Variants in HSPA14 observed in about 807,000 individuals in gnomAD.
HSPA14 encodes heat shock 70 kDa protein 14.
HSPA14 carries 37 observed loss-of-function variants against 65.5 expected under a neutral mutation model. That is an observed-to-expected ratio of 0.56 (90% CI 0.43 to 0.74). The LOEUF is 0.74. Ranked by LOEUF, HSPA14 falls within the 30% of genes least tolerant of loss-of-function variation. HSPA14 has a pLI of 0.00. For missense variants in HSPA14, 564 were observed against 607.6 expected (o/e 0.93, Z 0.75); for synonymous variants, 203 against 214.2 (o/e 0.95, Z 0.46).
At chr10:14,869,047 C>A (rs546713507) in intron 12 of HSPA14, among the ~76,000 whole-genome samples, 1 of 151,822 alleles carries the variant, frequency 6.6e-6, no homozygotes, top group Non-Finnish European at 1.5e-5. Context: ...AGGGTTTCAC[C>A]GTGTTAGCCA....
intron 9 of HSPA14, among the ~76,000 whole-genome samples, chr10:14,854,615 G>A (rs1019605115): frequency 6.6e-5 from 10 of 152,214 alleles, no homozygotes; most frequent in South Asian, 2.1e-4. Flanking sequence ...ATAATGATAC[G>A]GCCTATTCAA....
rs1251459753 is a variant in HSPA14, at chr10:14,854,247, A to G, written c.857A>G (p.Tyr286Cys). 1.2e-6 allele frequency: 2 copies of G among 1,610,292 alleles called. No individual in the cohort carries two copies. Reference sequence around the variant, plus strand: ...GCCAACTGTTTTCTTGACTCATTATATGAAGGTCAAGATTTTGATTGCAAT... The same window carrying G: ...GCCAACTGTTTTCTTGACTCATTATGTGAAGGTCAAGATTTTGATTGCAAT... The part of the protein sequence containing the change: ...GSANCFLDSL[Y>C]EGQDFDCNVS... The change falls in exon 9 of 14, where the codon TAT (tyrosine) becomes TGT (cysteine). Residue 286 changes from tyrosine (Y) to cysteine (C), a missense_variant. Tyr to Cys is a radical substitution (Grantham distance 194). Transcript: ENST00000378372.
At chr10:14,846,249 T>G (rs968271732) in intron 3 of HSPA14, 20 of 985,274 alleles carry the variant, frequency 2.0e-5, no homozygotes, top group Non-Finnish European at 2.4e-5. Flanking sequence ...GTAGGTAGAT[T>G]TTCTGGAAAC....
At chr10:14,851,942 T>C (rs1199942374) in intron 7 of HSPA14, among the ~76,000 whole-genome samples, 1 of 152,244 alleles carries the variant, frequency 6.6e-6, no homozygotes, top group East Asian at 1.9e-4. Context: ...TATCAAATTA[T>C]GAGTTTTAAT....
chr10:14,846,223 A>ATAGGTAGG lies in HSPA14; in HGVS notation c.222-2370_222-2363dup, dbSNP rs144846967. On this transcript the variant is annotated intron_variant, in intron 3 of 13. Transcript: ENST00000378372. ...TTATATGGAAAGATATGTGTCAATT[A>ATAGGTAGG]TAGGTAGGTAGGTAGGTAGGTAGAT... The ATAGGTAGG allele has an allele frequency of 7.6e-5, 75 of 985,188 alleles. No homozygotes were observed. The Admixed American group carries it at 9.2e-4, about 12-fold the overall frequency. 61.0% of individuals were successfully genotyped at this position (985,188 alleles called of 1,614,324 possible). A position where few individuals can be genotyped will look rare whatever the true frequency, so the allele number is the denominator to read the frequency against.
At chr10:14,847,896 T>C (rs1834074260) in intron 3 of HSPA14, among the ~76,000 whole-genome samples, 1 of 152,186 alleles carries the variant, frequency 6.6e-6, no homozygotes, top group Non-Finnish European at 1.5e-5. Flanking sequence ...TGCTAAAGTA[T>C]GAATAATAGT....
chr10:14,851,482 G>C (rs1443396405), intron 7 of HSPA14, among the ~76,000 whole-genome samples, 159 bp downstream of exon 7: 2 of 152,210 alleles, frequency 1.3e-5, no homozygotes, highest in African/African-American at 4.8e-5. Context: ...AGTTGAGAAA[G>C]ATGTCCTAGG....
chr10:14,871,459 A>G (rs796326907), intron 13 of HSPA14, 69 bp from the exon 14 acceptor site: 1 of 891,878 alleles, frequency 1.1e-6, no homozygotes, highest in Non-Finnish European at 1.8e-6. Flanking sequence ...CCCTCAAGTA[A>G]CTTGTTACAG....
At chr10:14,861,939 G>C (rs1832753168) in intron 10 of HSPA14, among the ~76,000 whole-genome samples, 2 of 151,460 alleles carry the variant, frequency 1.3e-5, no homozygotes, top group Non-Finnish European at 2.9e-5. Flanking sequence ...TTGAACCCGG[G>C]AGGTGGAGGT....
intron 3 of HSPA14, among the ~76,000 whole-genome samples, chr10:14,847,837 C>G: frequency 6.6e-6 from 1 of 152,202 alleles, no homozygotes; most frequent in East Asian, 1.9e-4. Context: ...CTATCCCGCT[C>G]AAGGGACAGA....
rs916810213 is a variant in HSPA14 at position 14,846,503 on chromosome 10, T to A, written c.222-2106T>A. On this transcript the variant is annotated intron_variant, in intron 3 of 13. Coordinates refer to ENST00000378372, the MANE Select transcript of HSPA14 (RefSeq NM_016299.4). ...GCTAAAAATATTAAGGGGAGGGAAA[T>A]TGGAATACAGGGAGACAGTGTGCAA... is the stretch of plus-strand genomic sequence containing the variant. 6.2e-6 allele frequency: 6 copies of A among 971,000 alleles called. No homozygotes were observed. In the African/African-American group the frequency reaches 7.1e-5, roughly 11 times the overall value. 60.1% of individuals were successfully genotyped at this position (971,000 alleles called of 1,614,324 possible).
intron 2 of HSPA14, 28 bp downstream of exon 2, chr10:14,840,013 T>A (rs768656353): frequency 6.5e-7 from 1 of 1,543,758 alleles, no homozygotes; most frequent in Non-Finnish European, 8.9e-7. Flanking sequence ...TTTGTACTTC[T>A]GAAATAATTT....
chr10:14,854,127 C>A lies in HSPA14; in HGVS notation c.737C>A (p.Ser246Tyr), dbSNP rs1183660133. The A allele has an allele frequency of 6.9e-6, 11 of 1,589,316 alleles. No homozygotes were observed. Among genetic ancestry groups the A allele is most frequent in the South Asian group, 1.2e-5 (1 of 86,052 alleles). ...CAAAGGCTATGTTTTTAATTTAGAT[C>A]CTTCAAACATGATGTGAGAGGAAAT... ...AQYLASEFQR[S>Y]FKHDVRGNAR... Residue 246 changes from serine (S) to tyrosine (Y), a missense_variant and splice_region_variant, in exon 9 of 14, where the codon TCC becomes TAC. Transcript: ENST00000378372.
intron 3 of HSPA14, chr10:14,845,456 G>A (rs1395493899): frequency 8.1e-6 from 8 of 985,220 alleles, no homozygotes; most frequent in African/African-American, 3.5e-5. Context: ...GACGGCAAGC[G>A]AGCTGCTCTG....
intron 8 of HSPA14, 72 bp downstream of exon 8, chr10:14,852,603 A>G: frequency 1.6e-6 from 2 of 1,264,664 alleles, no homozygotes; most frequent in Non-Finnish European, 2.2e-6. Context: ...TTTTTTCCTA[A>G]TTTATTTTAA....
chr10:14,861,680 C>T (rs2131645345), intron 10 of HSPA14, among the ~76,000 whole-genome samples: 1 of 152,204 alleles, frequency 6.6e-6, no homozygotes, highest in Non-Finnish European at 1.5e-5. Flanking sequence ...TACTGTGAGA[C>T]TTTTACCAAC....
intron 3 of HSPA14, chr10:14,845,331 G>T (rs1834035559): frequency 2.0e-6 from 2 of 985,258 alleles, no homozygotes; most frequent in South Asian, 9.4e-5. Flanking sequence ...TGGGCATGTT[G>T]GGGGAGGTTT....
At chr10:14,863,123 T>C (rs764810226) in intron 10 of HSPA14, among the ~76,000 whole-genome samples, 1 of 152,246 alleles carries the variant, frequency 6.6e-6, no homozygotes, top group Non-Finnish European at 1.5e-5. Context: ...TTTCCTAATA[T>C]GGAACTATCA....
chr10:14,852,430 CAGT>C lies in HSPA14; in HGVS notation c.634_636del (p.Ser212del), dbSNP rs1257295668. ...TATCTCTCAGCGTCATGGAAGTTAA[CAGT>C]GGAATATATCGGGTTCTTTCAACAA... is the stretch of plus-strand genomic sequence containing the variant. On this transcript the variant is annotated inframe_deletion, in exon 8 of 14. Transcript: ENST00000378372. 6.2e-7 allele frequency: 1 copy of C among 1,613,794 alleles called. No individual in the cohort carries two copies. The highest frequency in any genetic ancestry group is 2.2e-5 in the East Asian group (1 of 44,864).
Sources: allele counts gnomAD v4.1 joint callset (sites outside exome capture counted in the v4.1 genomes callset), GRCh38; gene constraint gnomAD v4.1.1; transcripts MANE v1.5; gene names NCBI Gene and HGNC (gene_info 2026-07-23, HGNC 2026-07-21).